Variants in TRHDE observed in about 807,000 individuals in gnomAD.
TRHDE encodes the protein thyrotropin releasing hormone degrading enzyme, also known as thyrotropin-releasing hormone-degrading ectoenzyme.
TRHDE carries 72 observed loss-of-function variants against 125.7 expected under a neutral mutation model. That is an observed-to-expected ratio of 0.57 (90% CI 0.47 to 0.70). TRHDE has a LOEUF of 0.70. Among genes scored for constraint, TRHDE ranks in the 30% least tolerant of loss-of-function variants. The pLI, the probability that TRHDE is intolerant of heterozygous loss-of-function variation, is 0.00. For synonymous variants in TRHDE, 509 were observed against 509.1 expected, an observed-to-expected ratio of 1.00 and a Z score of 0.00; for missense variants, 1,110 against 1,327.1, an observed-to-expected ratio of 0.84 and a Z score of 2.54.
At chr12:72,438,484 G>T (rs544999322) in intron 3 of TRHDE, among the ~76,000 whole-genome samples, 1 of 151,656 alleles carries the variant, frequency 6.6e-6, no homozygotes, top group African/African-American at 2.4e-5. Context: ...GGTATGAGAT[G>T]GTATCTCATT....
chr12:72,177,759 T>C (rs1372030070), intron 2 of TRHDE, among the ~76,000 whole-genome samples: 1 of 151,992 alleles, frequency 6.6e-6, no homozygotes, highest in Non-Finnish European at 1.5e-5. Flanking sequence ...ATGTGTAAAA[T>C]AATAAATTAT....
intron 15 of TRHDE, among the ~76,000 whole-genome samples, chr12:72,624,648 G>A (rs1434275445): frequency 1.3e-5 from 2 of 151,854 alleles, no homozygotes; most frequent in Non-Finnish European, 2.9e-5. Flanking sequence ...AAAAATTCAC[G>A]AGTTACAGTG....
chr12:72,650,224 T>C (rs980164799), intron 15 of TRHDE, among the ~76,000 whole-genome samples: 1 of 152,106 alleles, frequency 6.6e-6, no homozygotes, highest in Non-Finnish European at 1.5e-5. Flanking sequence ...TTTTTCAATA[T>C]TGACAATATT....
intron 5 of TRHDE, 103 bp downstream of exon 5, chr12:72,473,283 A>C: frequency 1.3e-6 from 1 of 772,176 alleles, no homozygotes; most frequent in Non-Finnish European, 2.1e-6. Context: ...CAACTGATGC[A>C]TGAAAATGTA....
chr12:72,451,756 C>A (rs559303483), intron 3 of TRHDE, among the ~76,000 whole-genome samples: 2 of 152,148 alleles, frequency 1.3e-5, no homozygotes, highest in Non-Finnish European at 2.9e-5. Context: ...AATATTAATT[C>A]TTTCAATACA....
intron 3 of TRHDE, among the ~76,000 whole-genome samples, chr12:72,438,032 T>C (rs752396162): frequency 2.0e-4 from 31 of 151,896 alleles, no homozygotes; most frequent in South Asian, 4.1e-4. Flanking sequence ...GGTAATTTTC[T>C]TTCTGTGACT....
At chr12:72,638,098 G>T (rs1374038601) in intron 15 of TRHDE, among the ~76,000 whole-genome samples, 1 of 147,438 alleles carries the variant, frequency 6.8e-6, no homozygotes, top group African/African-American at 2.5e-5. Flanking sequence ...AATGTTGACA[G>T]TGGGGTGTTA....
intron 2 of TRHDE, among the ~76,000 whole-genome samples, chr12:72,121,240 T>C (rs1345182803): frequency 6.6e-6 from 1 of 152,220 alleles, no homozygotes; most frequent in African/African-American, 2.4e-5. Context: ...TTAGTATTTC[T>C]TGTATTCCCA....
chr12:72,328,786 T>C (rs960784359), intron 2 of TRHDE, among the ~76,000 whole-genome samples: 4 of 152,186 alleles, frequency 2.6e-5, no homozygotes, highest in African/African-American at 9.6e-5. Flanking sequence ...CTATTAGTTT[T>C]CAGGTAGCAT....
intron 1 of TRHDE, among the ~76,000 whole-genome samples, chr12:72,285,195 A>G (rs1032423822): frequency 6.6e-6 from 1 of 152,176 alleles, no homozygotes; most frequent in Non-Finnish European, 1.5e-5. Context: ...TTCAATACGC[A>G]TGTCAACCTG....
At chr12:72,284,912 A>G (rs974836343) in intron 1 of TRHDE, among the ~76,000 whole-genome samples, 2 of 152,228 alleles carry the variant, frequency 1.3e-5, no homozygotes, top group Non-Finnish European at 2.9e-5. Flanking sequence ...CCTGGAAAAC[A>G]TATTTTCCTT....
Position 72,431,970 on chromosome 12 carries a change from G to A in TRHDE, c.1316-37788G>A, listed in dbSNP as rs185788789. The A allele has an allele frequency of 4.8e-3, 935 of 194,294 alleles. 4 individuals are homozygous for A. The highest frequency in any genetic ancestry group is 0.021 in the African/African-American group (890 of 42,762). The allele number at this position is 194,294 out of a possible 1,614,324, so 12.0% of individuals were successfully genotyped here. On this transcript the variant is annotated intron_variant, in intron 3 of 18. Transcript: ENST00000261180. Reference sequence around the variant, plus strand: ...CACAGTACCAGGCCTGTAACTATGAGGTTTCTTTCTTCCTCCCATAGAGGG... The same window carrying A: ...CACAGTACCAGGCCTGTAACTATGAAGTTTCTTTCTTCCTCCCATAGAGGG...
chr12:72,172,510 G>A (rs1470529370), intron 2 of TRHDE, among the ~76,000 whole-genome samples: 1 of 152,144 alleles, frequency 6.6e-6, no homozygotes, highest in East Asian at 1.9e-4. Context: ...TACTGACTCT[G>A]TAGGACAGAG....
At chr12:72,304,891 A>G (rs547979516) in intron 2 of TRHDE, among the ~76,000 whole-genome samples, 1 of 152,314 alleles carries the variant, frequency 6.6e-6, no homozygotes, top group Admixed American at 6.5e-5. Context: ...TCTCTAGGGA[A>G]GTATTTCCTC....
chr12:72,499,779 T>C, intron 6 of TRHDE, 144 bp downstream of exon 6: 1 of 903,060 alleles, frequency 1.1e-6, no homozygotes, highest in Non-Finnish European at 1.6e-6. Flanking sequence ...TAGGTTCGTG[T>C]CATTTTATGA....
chr12:72,469,599 C>T (rs1389518075), intron 3 of TRHDE, among the ~76,000 whole-genome samples, 159 bp from the exon 4 acceptor site: 1 of 152,150 alleles, frequency 6.6e-6, no homozygotes, highest in Non-Finnish European at 1.5e-5. Context: ...TATATTTCTG[C>T]TGTCATGTAA....
chr12:72,319,323 G>A (rs1256141609), intron 2 of TRHDE, among the ~76,000 whole-genome samples: 1 of 152,144 alleles, frequency 6.6e-6, no homozygotes, highest in African/African-American at 2.4e-5. Context: ...AGGACTGTGG[G>A]AGTGGGTCTC....
At chr12:72,235,105 AGTATTATGT>A (rs530443825) in intron 2 of TRHDE, among the ~76,000 whole-genome samples, 35 of 152,152 alleles carry the variant, frequency 2.3e-4, no homozygotes, top group Non-Finnish European at 4.6e-4. Flanking sequence ...GGAACTCTTA[AGTATTATGT>A]AACACGAACT....
chr12:72,561,050 G>A (rs1031469553), intron 7 of TRHDE, among the ~76,000 whole-genome samples: 3 of 152,144 alleles, frequency 2.0e-5, no homozygotes, highest in Non-Finnish European at 4.4e-5. Context: ...TTTTAACAAA[G>A]TTATTCATAA....
Sources: allele counts gnomAD v4.1 joint callset (sites outside exome capture counted in the v4.1 genomes callset), GRCh38; gene constraint gnomAD v4.1.1; transcripts MANE v1.5; gene names NCBI Gene and HGNC (gene_info 2026-07-23, HGNC 2026-07-21).